Variants in STON1 observed in about 807,000 individuals in gnomAD.
STON1 encodes stonin-1.
A neutral mutation model predicts 60.9 loss-of-function variants in STON1; 79 were observed. The observed-to-expected ratio is 1.30, with a 90% confidence interval of 1.08 to 1.56. STON1 has a LOEUF of 1.56. Among genes scored for constraint, STON1 ranks in the 40% most tolerant of loss-of-function variants. The pLI is 0.00. For missense variants in STON1, 1,166 were observed against 858.9 expected (o/e 1.36, Z -4.47); for synonymous variants, 363 against 306.9 (o/e 1.18, Z -1.91).
rs566723078 is a variant in STON1 at position 48,549,715 on chromosome 2, G to A, written c.-48+19499G>A. ...TAATCCCAGCTACTTGGGAAGCTGA[G>A]GCAGGAGAATGGCTTGAACTCAGGG... On this transcript the variant is annotated intron_variant, in intron 1 of 3. Transcript: ENST00000404752. Among the ~76,000 whole-genome samples, 20 of 150,862 alleles carry A rather than the reference G, an allele frequency of 1.3e-4. No individual in the cohort carries two copies. In the South Asian group the frequency reaches 4.2e-3, roughly 32 times the overall value.
chr2:48,566,832 T>C (rs1318986083), intron 1 of STON1, among the ~76,000 whole-genome samples: 1 of 151,940 alleles, frequency 6.6e-6, no homozygotes, highest in Non-Finnish European at 1.5e-5. Context: ...GAGGGGCTGG[T>C]GTTGTGGTGG....
At chr2:48,530,399 C>G in intron 1 of STON1, 183 bp downstream of exon 1, 2 of 238,126 alleles carry the variant, frequency 8.4e-6, no homozygotes, top group South Asian at 9.4e-5. Context: ...GCCCTGGGGC[C>G]CGCAGAGGGA....
rs1156859339 is a variant in STON1 at position 48,596,233 on chromosome 2, A to G, written c.*931A>G. 1.3e-5 allele frequency: 2 copies of G among 152,194 alleles called. No homozygotes were observed. Among genetic ancestry groups the G allele is most frequent in the Non-Finnish European group, 2.9e-5 (2 of 68,014 alleles). The allele number at this position is 152,194 out of a possible 1,614,324, so 9.4% of individuals were successfully genotyped here. On this transcript the variant is annotated 3_prime_UTR_variant, in exon 4 of 4. Coordinates refer to ENST00000404752, the MANE Select transcript of STON1 (RefSeq NM_006873.4). The stretch of plus-strand genomic sequence containing the variant: ...ATTATTTTATACTAGTTCTGCTATC[A>G]TGCTGTTTTATGCTAATTCTGCTTA...
intron 3 of STON1, among the ~76,000 whole-genome samples, chr2:48,593,793 T>C (rs1032422226): frequency 1.3e-5 from 2 of 152,216 alleles, no homozygotes; most frequent in African/African-American, 4.8e-5. Context: ...TTTCTTTATT[T>C]TGGACTATCT....
intron 1 of STON1, among the ~76,000 whole-genome samples, chr2:48,557,015 C>CG (rs1396768561): frequency 4.6e-5 from 4 of 87,078 alleles, no homozygotes; most frequent in African/African-American, 8.9e-5. Context: ...GCTGCCCGGG[C>CG]GGGGGGGCTG....
At chr2:48,549,103 C>G (rs930419042) in intron 1 of STON1, among the ~76,000 whole-genome samples, 24 of 152,300 alleles carry the variant, frequency 1.6e-4, no homozygotes, top group African/African-American at 5.5e-4. Context: ...CAAAGAACAG[C>G]AAGCTGTTTT....
In STON1 at chr2:48,582,375, C is replaced by A; in HGVS notation, c.1742C>A (p.Ala581Asp). ...HFPVPSQWIKALWTMNLQRQK... is the reference protein window; with the variant it reads ...HFPVPSQWIKDLWTMNLQRQK... ...CCTGTCCCATCGCAGTGGATCAAGG[C>A]CCTTTGGACCATGAACCTCCAGAGG... Residue 581 changes from alanine (A) to aspartate (D), a missense_variant, in exon 2 of 4, where the codon GCC becomes GAC. Transcript: ENST00000404752. 2 of 1,614,108 alleles carry A rather than the reference C, an allele frequency of 1.2e-6. No homozygotes were observed. Among genetic ancestry groups the A allele is most frequent in the South Asian group, 2.2e-5 (2 of 91,074 alleles).
intron 1 of STON1, among the ~76,000 whole-genome samples, chr2:48,537,409 A>G (rs898511509): frequency 1.3e-5 from 2 of 152,202 alleles, no homozygotes; most frequent in Non-Finnish European, 2.9e-5. Flanking sequence ...TTACATTGTG[A>G]TAAGATGAGC....
chr2:48,582,365 T>A lies in STON1; in HGVS notation c.1732T>A (p.Trp578Arg). Residue 578 changes from tryptophan (W) to arginine (R), a missense_variant, in exon 2 of 4, where the codon TGG (tryptophan) becomes AGG (arginine). Coordinates refer to ENST00000404752, the MANE Select transcript of STON1 (RefSeq NM_006873.4). ...GATACACTTTCCTGTCCCATCGCAG[T>A]GGATCAAGGCCCTTTGGACCATGAA... is the stretch of plus-strand genomic sequence containing the variant. Reference protein sequence around the residue: ...IRIHFPVPSQWIKALWTMNLQ... With the variant: ...IRIHFPVPSQRIKALWTMNLQ... 2 of 1,614,192 alleles carry A rather than the reference T, an allele frequency of 1.2e-6. No individual in the cohort carries two copies. The highest frequency in any genetic ancestry group is 1.7e-5 in the Admixed American group (1 of 60,018).
chr2:48,568,264 C>A (rs984195271), intron 1 of STON1, among the ~76,000 whole-genome samples: 2 of 152,128 alleles, frequency 1.3e-5, no homozygotes, highest in Admixed American at 1.3e-4. Context: ...CATTAGGGAC[C>A]ACATTGGGGC....
At chr2:48,571,933 G>A (rs1673230308) in intron 1 of STON1, among the ~76,000 whole-genome samples, 1 of 152,212 alleles carries the variant, frequency 6.6e-6, no homozygotes, top group African/African-American at 2.4e-5. Context: ...GGGAGGCCAA[G>A]GCAGGTGAAC....
chr2:48,555,503 A>G (rs1245341889), intron 1 of STON1, among the ~76,000 whole-genome samples: 2 of 63,938 alleles, frequency 3.1e-5, no homozygotes, highest in Non-Finnish European at 3.0e-5. Flanking sequence ...TGGGGGGCTG[A>G]CCCCCCCACC....
chr2:48,582,322 G>T lies in STON1; in HGVS notation c.1689G>T (p.Arg563Ser). The change falls in exon 2 of 4, where the codon AGG (arginine) becomes AGT (serine). Residue 563 changes from arginine (R) to serine (S), a missense_variant. Physicochemically the swap from Arg to Ser is moderately radical, Grantham distance 110. Transcript: ENST00000404752. ...GGTCATCCTATGCTGGTTCCTTAAGGTCCTGTGACAATATAAGGATACACT... is the reference window on the plus strand; with the variant it reads ...GGTCATCCTATGCTGGTTCCTTAAGTTCCTGTGACAATATAAGGATACACT... ...AQRSSYAGSL[R>S]SCDNIRIHFP... 6.2e-7 allele frequency: 1 copy of T among 1,614,146 alleles called. No homozygotes were observed. Among genetic ancestry groups the T allele is most frequent in the South Asian group, 1.1e-5 (1 of 91,086 alleles).
At chr2:48,535,248 C>A (rs1320354976) in intron 1 of STON1, among the ~76,000 whole-genome samples, 2 of 152,134 alleles carry the variant, frequency 1.3e-5, no homozygotes, top group Non-Finnish European at 2.9e-5. Context: ...AAAAAAACCT[C>A]ATTGCTGGAT....
intron 1 of STON1, among the ~76,000 whole-genome samples, chr2:48,564,443 C>A (rs1004160333): frequency 4.0e-5 from 2 of 50,378 alleles, no homozygotes; most frequent in African/African-American, 1.5e-4. Context: ...TCTTCTTCTT[C>A]TTCTTCTTCT....
intron 1 of STON1, among the ~76,000 whole-genome samples, chr2:48,551,764 C>T (rs1343004220): frequency 2.0e-5 from 3 of 152,218 alleles, no homozygotes; most frequent in Admixed American, 2.0e-4. Context: ...ATTTACCAAA[C>T]ATTGATTGGA....
Position 48,575,386 on chromosome 2 carries a change from G to C in STON1, c.-47-5201G>C, listed in dbSNP as rs191715220. Among the ~76,000 whole-genome samples, 723 of 152,244 alleles carry C rather than the reference G, an allele frequency of 4.7e-3. 8 individuals carry two copies. The highest frequency in any genetic ancestry group is 0.017 in the African/African-American group (710 of 41,534). On this transcript the variant is annotated intron_variant, in intron 1 of 3. Transcript: ENST00000404752. ...TCTTTTGGATAGGCTGGGTTCTGTGGCTCACACCTGTAATCCCAGCACTTT... is the reference window on the plus strand; with the variant it reads ...TCTTTTGGATAGGCTGGGTTCTGTGCCTCACACCTGTAATCCCAGCACTTT...
Position 48,595,498 on chromosome 2 carries a change from G to A in STON1, c.*196G>A. 2 of 542,482 alleles carry A rather than the reference G, an allele frequency of 3.7e-6. No individual in the cohort carries two copies. Among genetic ancestry groups the A allele is most frequent in the Non-Finnish European group, 6.5e-6 (2 of 307,790 alleles). The allele number at this position is 542,482 out of a possible 1,614,324, so 33.6% of individuals were successfully genotyped here. ...TTGCTTTTCATGTGTTTTTGTCCTA[G>A]GGGTTCGATCTAAAATGTTTCTATA... On this transcript the variant is annotated 3_prime_UTR_variant, in exon 4 of 4. Transcript: ENST00000404752.
At chr2:48,570,988 G>T (rs541913719) in intron 1 of STON1, among the ~76,000 whole-genome samples, 21 of 150,880 alleles carry the variant, frequency 1.4e-4, no homozygotes, top group Middle Eastern at 7.0e-3. Flanking sequence ...TCAGCCTCCC[G>T]AGTAGCTGTG....
Sources: gnomAD v4.1 joint callset for allele counts (sites outside exome capture counted in the v4.1 genomes callset) on GRCh38, gnomAD v4.1.1 for gene constraint, MANE v1.5 for transcripts, NCBI Gene and HGNC (gene_info 2026-07-23, HGNC 2026-07-21) for gene names.